The following PCDHGA8 variants were observed in gnomAD, a reference collection of about 807,000 sequenced individuals.
The protein encoded by PCDHGA8 is protocadherin gamma-A8.
Under a neutral mutation model 59.2 loss-of-function variants are expected in PCDHGA8, and 45 were observed. That is an observed-to-expected ratio of 0.76 (90% confidence interval 0.60 to 0.98). PCDHGA8 has a LOEUF of 0.98. PCDHGA8 is among the 50% of genes least tolerant of loss of function. The pLI is 0.00. For missense variants in PCDHGA8, 1,257 were observed against 1,196.2 expected, an observed-to-expected ratio of 1.05 and a Z score of -0.75; for synonymous variants, 531 against 519.0, an observed-to-expected ratio of 1.02 and a Z score of -0.32.
chr5:141,427,151 G>A (rs1481629222), intron 1 of PCDHGA8: 1 of 456,934 alleles, frequency 2.2e-6, no homozygotes, highest in Admixed American at 2.3e-5. Flanking sequence ...TTGGAAATAT[G>A]TTTGTGCTAG....
rs997965420 is a variant in PCDHGA8 at position 141,393,531 on chromosome 5, C to G, written c.718C>G (p.Pro240Ala). Reference protein sequence around the residue: ...VTVLDTNDNAPVFPHPIYRVK... With the variant: ...VTVLDTNDNAAVFPHPIYRVK... ...AGTGTTGGATACAAATGACAATGCCCCGGTTTTTCCTCACCCGATTTACCG... is the reference window on the plus strand; with the variant it reads ...AGTGTTGGATACAAATGACAATGCCGCGGTTTTTCCTCACCCGATTTACCG... Residue 240 changes from proline (P) to alanine (A), a missense_variant, in exon 1 of 4, where the codon CCG (proline) becomes GCG (alanine). By Grantham distance (27) the Pro-to-Ala change is conservative. Transcript: ENST00000398604. The G allele has an allele frequency of 6.2e-7, 1 of 1,614,008 alleles. No individual in the cohort carries two copies. The highest frequency in any genetic ancestry group is 8.5e-7 in the Non-Finnish European group (1 of 1,179,910).
At chr5:141,434,193 T>C (rs2097677103) in intron 1 of PCDHGA8, among the ~76,000 whole-genome samples, 1 of 152,246 alleles carries the variant, frequency 6.6e-6, no homozygotes, top group Non-Finnish European at 1.5e-5. Flanking sequence ...GTAATTCCAA[T>C]GTACTTACTT....
chr5:141,433,837 C>CAAAAAAAAAAAAAAA (rs56191208), intron 1 of PCDHGA8, among the ~76,000 whole-genome samples: 1 of 111,692 alleles, frequency 9.0e-6, no homozygotes. Flanking sequence ...AACTCTATCT[C>CAAAAAAAAAAAAAAA]AAAAAAAAAA....
At chr5:141,408,003 C>G in intron 1 of PCDHGA8, 1 of 917,520 alleles carries the variant, frequency 1.1e-6, no homozygotes, top group Non-Finnish European at 1.6e-6. Flanking sequence ...GCCTGGGATT[C>G]CCTGCGCAGC....
chr5:141,403,717 G>GC (rs1561689685), intron 1 of PCDHGA8: 2 of 1,613,936 alleles, frequency 1.2e-6, no homozygotes, highest in South Asian at 2.2e-5. Flanking sequence ...TTGAGAACGT[G>GC]CCCCCAGGCA....
chr5:141,507,495 G>A (rs375483743), intron 3 of PCDHGA8, among the ~76,000 whole-genome samples: 5 of 152,352 alleles, frequency 3.3e-5, no homozygotes, highest in East Asian at 3.9e-4. Flanking sequence ...AGGCAGAGCT[G>A]TCCCAGGTCT....
Position 141,394,316 on chromosome 5 carries a change from G to C in PCDHGA8, c.1503G>C (p.Leu501=), listed in dbSNP as rs779061595. The C allele has an allele frequency of 6.2e-7, 1 of 1,613,976 alleles. No homozygotes were observed. The highest frequency in any genetic ancestry group is 1.3e-5 in the African/African-American group (1 of 75,040). The change falls in exon 1 of 4, where the codon CTG becomes CTC. Residue 501 remains leucine (L), a synonymous_variant. Coordinates refer to ENST00000398604, the MANE Select transcript of PCDHGA8 (RefSeq NM_032088.2). ...VTEDTLQGAP[L]SSYISINSDT... ...AGGACACGCTGCAGGGGGCGCCCCT[G>C]TCCTCGTATATCTCCATCAACTCTG...
intron 1 of PCDHGA8, chr5:141,414,324 T>G (rs2095735584): frequency 6.2e-7 from 1 of 1,613,758 alleles, no homozygotes; most frequent in South Asian, 1.1e-5. Context: ...CTGAGCAGAA[T>G]GGACAGGTAA....
intron 2 of PCDHGA8, among the ~76,000 whole-genome samples, chr5:141,503,351 C>T (rs1186394919): frequency 6.6e-6 from 1 of 151,994 alleles, no homozygotes; most frequent in Admixed American, 6.6e-5. Context: ...AATTCCAGCA[C>T]TTTGGGAAGC....
intron 1 of PCDHGA8, chr5:141,404,146 A>G: frequency 1.2e-6 from 2 of 1,613,058 alleles, no homozygotes; most frequent in Non-Finnish European, 1.7e-6. Context: ...AAAATTCAGA[A>G]GAAGATTATT....
At chr5:141,508,295 G>C (rs989632251) in intron 3 of PCDHGA8, 5 of 152,202 alleles carry the variant, frequency 3.3e-5, no homozygotes, top group Non-Finnish European at 7.3e-5. Context: ...TGGGCCTTGG[G>C]GGGAGTGGGG....
chr5:141,396,662 G>C (rs1589287769), intron 1 of PCDHGA8: 1 of 151,614 alleles, frequency 6.6e-6, no homozygotes, highest in Admixed American at 6.6e-5. Context: ...ACTCGGTATA[G>C]GCTATCCATT....
rs1241061038 is a variant in PCDHGA8 at position 141,394,846 on chromosome 5, T to C, written c.2033T>C (p.Leu678Pro). ...GAAGTCCTGACCGAGTTGGGCAGTC[T>C]GAAGCCTTCGGTCGACCCGAACGAT... ...IPEVLTELGS[L>P]KPSVDPNDSS... The change falls in exon 1 of 4, where the codon CTG becomes CCG. Residue 678 changes from leucine to proline, a missense_variant. Coordinates refer to ENST00000398604, the MANE Select transcript of PCDHGA8 (RefSeq NM_032088.2). The C allele has an allele frequency of 1.9e-6, 3 of 1,613,732 alleles. No homozygotes were observed. In the African/African-American group the frequency reaches 4.0e-5, roughly 22 times the overall value.
intron 1 of PCDHGA8, among the ~76,000 whole-genome samples, chr5:141,455,860 ATTATTTATTTAT>A (rs145569377): frequency 0.023 from 3,231 of 139,812 alleles, 82 homozygotes; most frequent in African/African-American, 0.066. Context: ...AATTTCTTTT[ATTATTTATTTAT>A]TTATTTATTT....
chr5:141,433,329 G>A, intron 1 of PCDHGA8: 1 of 702,998 alleles, frequency 1.4e-6, no homozygotes, highest in Non-Finnish European at 2.4e-6. Context: ...GTGTAACAGG[G>A]ACTACAGGTG....
At chr5:141,433,349 T>C in intron 1 of PCDHGA8, 1 of 616,610 alleles carries the variant, frequency 1.6e-6, no homozygotes, top group East Asian at 2.8e-5. Flanking sequence ...GCAAGCCACC[T>C]ACTGTCTGCC....
At chr5:141,495,605 T>G (rs1201224193) in intron 2 of PCDHGA8, among the ~76,000 whole-genome samples, 2 of 152,228 alleles carry the variant, frequency 1.3e-5, no homozygotes, top group African/African-American at 2.4e-5. Context: ...GCTTCCGTCT[T>G]GATTGCTGCA....
rs149649459 is a variant in PCDHGA8, at chr5:141,505,183, G to A, written c.2484-210G>A. ...TCTAAAACAAAAAGAAAAAAGCATC[G>A]GAGGCAGCAAAGAGCTGGTTTGAGG... On this transcript the variant is annotated intron_variant, in intron 2 of 3. Transcript: ENST00000398604. Among the ~76,000 whole-genome samples, 214 of 152,244 alleles carry A rather than the reference G, an allele frequency of 1.4e-3. 1 individual carries two copies. Among genetic ancestry groups the A allele is most frequent in the African/African-American group, 4.8e-3 (200 of 41,530 alleles).
At chr5:141,456,574 T>G (rs373414652) in intron 1 of PCDHGA8, among the ~76,000 whole-genome samples, 3 of 152,198 alleles carry the variant, frequency 2.0e-5, no homozygotes, top group South Asian at 4.1e-4. Flanking sequence ...ACATTTTCCC[T>G]GAGCCTGTCA....
Sources: gnomAD v4.1 joint callset for allele counts (sites outside exome capture counted in the v4.1 genomes callset) on GRCh38, gnomAD v4.1.1 for gene constraint, MANE v1.5 for transcripts, NCBI Gene and HGNC (gene_info 2026-07-23, HGNC 2026-07-21) for gene names.